MALRD1: variants seen among roughly 807,000 people sequenced by gnomAD.
The protein encoded by MALRD1 is MAM and LDL receptor class A domain containing 1.
In MALRD1, 247 loss-of-function variants were observed where a neutral mutation model predicts 242.1. The observed-to-expected ratio is 1.02, with a 90% CI of 0.92 to 1.13. The LOEUF (loss-of-function observed/expected upper bound fraction) is 1.13, where lower values mean the gene tolerates loss of function less well. MALRD1 is among the 50% of genes most tolerant of loss of function. The pLI, the probability that MALRD1 is intolerant of heterozygous loss-of-function variation, is 0.00. For missense variants in MALRD1, 2,989 were observed against 2,533.1 expected, an observed-to-expected ratio of 1.18 and a Z score of -3.86; for synonymous variants, 995 against 866.6, an observed-to-expected ratio of 1.15 and a Z score of -2.60.
chr10:19,283,960 G>A (rs548969635), intron 21 of MALRD1, among the ~76,000 whole-genome samples: 2 of 152,294 alleles, frequency 1.3e-5, no homozygotes, highest in Non-Finnish European at 2.9e-5. Flanking sequence ...TAAATAGAAA[G>A]CGCTGCAGAT....
At chr10:19,467,392 C>CAAAAAAAAAA (rs71387079) in intron 29 of MALRD1, among the ~76,000 whole-genome samples, 2 of 53,758 alleles carry the variant, frequency 3.7e-5, no homozygotes, top group Non-Finnish European at 6.5e-5. Context: ...GACTCCGTCT[C>CAAAAAAAAAA]AAAAAAAAAA....
intron 32 of MALRD1, among the ~76,000 whole-genome samples, chr10:19,556,450 A>C (rs2131422605): frequency 6.6e-6 from 1 of 151,638 alleles, no homozygotes; most frequent in East Asian, 1.9e-4. Flanking sequence ...CTCCCCCAAA[A>C]CCCTTTTTTT....
intron 26 of MALRD1, among the ~76,000 whole-genome samples, chr10:19,383,273 C>T (rs887356478): frequency 1.6e-4 from 25 of 152,102 alleles, no homozygotes; most frequent in African/African-American, 5.3e-4. Context: ...CTCAAAGTTT[C>T]ACTCCCATTG....
intron 23 of MALRD1, among the ~76,000 whole-genome samples, chr10:19,330,211 T>C (rs945717218): frequency 6.6e-6 from 1 of 152,054 alleles, no homozygotes; most frequent in African/African-American, 2.4e-5. Flanking sequence ...TCCTTTTACA[T>C]GAAGTCAATA....
At position 19,606,947 on chromosome 10, in the gene MALRD1, C is replaced by G. The variant is rs78380761; in HGVS notation, c.5945-830C>G. Among the ~76,000 whole-genome samples, 1,509 of 152,192 alleles carry G rather than the reference C, an allele frequency of 9.9e-3. 24 individuals are homozygous for G. The highest frequency in any genetic ancestry group is 0.034 in the African/African-American group (1,418 of 41,550). On this transcript the variant is annotated intron_variant, in intron 34 of 39. Coordinates refer to ENST00000454679, the MANE Select transcript of MALRD1 (RefSeq NM_001142308.3). Reference sequence around the variant, plus strand: ...TTTTAGGATAATTATTTTAGGAAAACTGAGCTTCCTAATAGACAAATCAGA... The same window carrying G: ...TTTTAGGATAATTATTTTAGGAAAAGTGAGCTTCCTAATAGACAAATCAGA...
rs1010943993 is a variant in MALRD1 at position 19,165,823 on chromosome 10, G to A, written c.1830+13G>A. On this transcript the variant is annotated intron_variant, in intron 13 of 39. Coordinates refer to ENST00000454679, the MANE Select transcript of MALRD1 (RefSeq NM_001142308.3). ...TCTACCTTTTCAGGTAAGCACATAC[G>A]AAATTAATACAACTCAACAGAAGAC... is the stretch of plus-strand genomic sequence containing the variant. 1.3e-5 allele frequency: 16 copies of A among 1,231,206 alleles called. No individual in the cohort carries two copies. The Admixed American group carries it at 4.6e-4, about 36-fold the overall frequency. 76.3% of individuals were successfully genotyped at this position (1,231,206 alleles called of 1,614,324 possible).
chr10:19,338,949 A>G (rs561357855), intron 24 of MALRD1, among the ~76,000 whole-genome samples: 4 of 146,418 alleles, frequency 2.7e-5, no homozygotes, highest in African/African-American at 1.1e-4. Flanking sequence ...ATATACATAT[A>G]CTAGTTATAT....
chr10:19,225,200 TG>T (rs1464860873), intron 18 of MALRD1, among the ~76,000 whole-genome samples: 3 of 152,164 alleles, frequency 2.0e-5, no homozygotes, highest in Non-Finnish European at 4.4e-5. Context: ...GTATATGGGA[TG>T]AATGAAGTCT....
chr10:19,579,819 A>G (rs1837017677), intron 33 of MALRD1, among the ~76,000 whole-genome samples: 1 of 152,194 alleles, frequency 6.6e-6, no homozygotes, highest in Admixed American at 6.5e-5. Flanking sequence ...AAATGTGAAC[A>G]TTGAATTAAA....
At chr10:19,380,975 T>C (rs540810517) in intron 26 of MALRD1, among the ~76,000 whole-genome samples, 3 of 151,610 alleles carry the variant, frequency 2.0e-5, no homozygotes, top group Non-Finnish European at 2.9e-5. Flanking sequence ...TAGTTACATA[T>C]GTACACATGT....
At chr10:19,339,355 A>G (rs971368258) in intron 24 of MALRD1, among the ~76,000 whole-genome samples, 3 of 152,118 alleles carry the variant, frequency 2.0e-5, no homozygotes, top group Non-Finnish European at 4.4e-5. Flanking sequence ...TTCTCGTGGC[A>G]TCTTATCAAA....
chr10:19,439,108 A>G (rs1834490881), intron 28 of MALRD1, among the ~76,000 whole-genome samples: 1 of 96,392 alleles, frequency 1.0e-5, no homozygotes, highest in East Asian at 2.5e-4. Flanking sequence ...TTGCATTTTA[A>G]TTTGTAATTG....
chr10:19,655,119 A>G (rs1221194054), intron 36 of MALRD1, among the ~76,000 whole-genome samples: 1 of 152,188 alleles, frequency 6.6e-6, no homozygotes, highest in Admixed American at 6.6e-5. Flanking sequence ...AAAGCTGCAA[A>G]GGTTATAGAA....
At chr10:19,630,627 A>G (rs1441469784) in intron 36 of MALRD1, among the ~76,000 whole-genome samples, 1 of 152,148 alleles carries the variant, frequency 6.6e-6, no homozygotes, top group Non-Finnish European at 1.5e-5. Flanking sequence ...ATTAAAAATG[A>G]TATTATAAGA....
intron 14 of MALRD1, among the ~76,000 whole-genome samples, chr10:19,202,107 C>T (rs1341364902): frequency 6.6e-6 from 1 of 152,140 alleles, no homozygotes; most frequent in Non-Finnish European, 1.5e-5. Context: ...AGCCACGGCG[C>T]CCGACTGAGA....
chr10:19,223,335 C>T (rs768143884), intron 18 of MALRD1, among the ~76,000 whole-genome samples: 1 of 152,032 alleles, frequency 6.6e-6, no homozygotes, highest in African/African-American at 2.4e-5. Flanking sequence ...TTCAAAACAG[C>T]ATTGTTGCCT....
intron 9 of MALRD1, among the ~76,000 whole-genome samples, chr10:19,135,511 A>G (rs1833305710): frequency 6.6e-6 from 1 of 152,144 alleles, no homozygotes; most frequent in Non-Finnish European, 1.5e-5. Context: ...GATGAAACTG[A>G]AGGAAGTCAA....
chr10:19,391,178 C>T (rs1010182161), intron 28 of MALRD1, among the ~76,000 whole-genome samples: 1 of 152,112 alleles, frequency 6.6e-6, no homozygotes, highest in African/African-American at 2.4e-5. Context: ...CTAATTGATT[C>T]TTAGGGAAAT....
chr10:19,633,416 A>T (rs983639169), intron 36 of MALRD1, among the ~76,000 whole-genome samples: 1 of 152,158 alleles, frequency 6.6e-6, no homozygotes, highest in Non-Finnish European at 1.5e-5. Context: ...AGCACATAAG[A>T]TATCTAAAGA....
Sources: gnomAD v4.1 joint callset for allele counts (sites outside exome capture counted in the v4.1 genomes callset) on GRCh38, gnomAD v4.1.1 for gene constraint, MANE v1.5 for transcripts, NCBI Gene and HGNC (gene_info 2026-07-23, HGNC 2026-07-21) for gene names.